COL14A1: variants seen among roughly 807,000 people sequenced by gnomAD.
The protein encoded by COL14A1 is collagen alpha-1(XIV) chain.
COL14A1 carries 136 observed loss-of-function variants against 230.3 expected under a neutral mutation model. That is an observed-to-expected ratio of 0.59 (90% CI 0.51 to 0.68). COL14A1 has a LOEUF of 0.68. COL14A1 is among the 30% of genes least tolerant of loss of function. COL14A1 has a pLI of 0.00. For missense variants in COL14A1, 1,976 were observed against 2,215.8 expected, an observed-to-expected ratio of 0.89 and a Z score of 2.17; for synonymous variants, 792 against 784.1, an observed-to-expected ratio of 1.01 and a Z score of -0.17.
chr8:120,295,257 A>G lies in COL14A1; in HGVS notation c.4237-2254A>G, dbSNP rs79029825. Among the ~76,000 whole-genome samples, 1,402 of 152,036 alleles carry G rather than the reference A, an allele frequency of 9.2e-3. 9 individuals are homozygous for G. The highest frequency in any genetic ancestry group is 0.015 in the Admixed American group (225 of 15,246). On this transcript the variant is annotated intron_variant, in intron 34 of 47. Transcript: ENST00000297848. Reference sequence around the variant, plus strand: ...TGGCATTGTAAGATTTCATTGGGCTATCTGCATTTTAAACGTTAGATCAAA... The same window carrying G: ...TGGCATTGTAAGATTTCATTGGGCTGTCTGCATTTTAAACGTTAGATCAAA...
chr8:120,151,933 G>A (rs950684020), intron 2 of COL14A1, among the ~76,000 whole-genome samples: 1 of 152,036 alleles, frequency 6.6e-6, no homozygotes, highest in African/African-American at 2.4e-5. Context: ...TGGCTTTGAA[G>A]ATGGAAAGAG....
chr8:120,310,178 A>G (rs1563730872), intron 37 of COL14A1, 116 bp downstream of exon 37: 1 of 1,041,666 alleles, frequency 9.6e-7, no homozygotes, highest in Non-Finnish European at 1.4e-6. Context: ...AGTTCCTTAT[A>G]GTTTTATGAA....
chr8:120,351,029 C>A (rs1477456642), intron 45 of COL14A1, among the ~76,000 whole-genome samples: 3 of 149,470 alleles, frequency 2.0e-5, no homozygotes, highest in Non-Finnish European at 4.5e-5. Context: ...GAAATTACAA[C>A]AAACTATCTC....
chr8:120,145,648 A>G (rs1445460472), intron 1 of COL14A1, among the ~76,000 whole-genome samples: 3 of 152,152 alleles, frequency 2.0e-5, no homozygotes, highest in Non-Finnish European at 4.4e-5. Flanking sequence ...CAAACAATGC[A>G]TCTTGTTTTG....
At chr8:120,194,072 G>C (rs1409633389) in intron 5 of COL14A1, among the ~76,000 whole-genome samples, 1 of 152,186 alleles carries the variant, frequency 6.6e-6, no homozygotes, top group African/African-American at 2.4e-5. Flanking sequence ...TGTGCCCACT[G>C]TCCGGCACTC....
chr8:120,291,235 C>T (rs1225715463), intron 34 of COL14A1, among the ~76,000 whole-genome samples: 2 of 151,918 alleles, frequency 1.3e-5, no homozygotes, highest in Non-Finnish European at 2.9e-5. Flanking sequence ...TAGATGGATA[C>T]TTGGATGATG....
chr8:120,200,247 G>A (rs932207483), intron 8 of COL14A1, among the ~76,000 whole-genome samples: 1 of 151,918 alleles, frequency 6.6e-6, no homozygotes, highest in African/African-American at 2.4e-5. Flanking sequence ...ATATAACAGC[G>A]AATTCCTTAA....
chr8:120,280,523 G>A (rs1485181547), intron 29 of COL14A1, among the ~76,000 whole-genome samples, 188 bp from the exon 30 acceptor site: 2 of 152,160 alleles, frequency 1.3e-5, no homozygotes, highest in African/African-American at 4.8e-5. Flanking sequence ...TCCTTTAGTT[G>A]TAATAAGGGA....
At chr8:120,183,624 G>C (rs969481319) in intron 5 of COL14A1, among the ~76,000 whole-genome samples, 1 of 152,160 alleles carries the variant, frequency 6.6e-6, no homozygotes, top group African/African-American at 2.4e-5. Context: ...GAGGAGAAAT[G>C]TGATGCATGT....
chr8:120,307,209 C>T (rs972028821), intron 36 of COL14A1, among the ~76,000 whole-genome samples: 2 of 151,982 alleles, frequency 1.3e-5, no homozygotes, highest in Non-Finnish European at 2.9e-5. Flanking sequence ...CTTTTTTGGC[C>T]TTTATCTAGG....
intron 25 of COL14A1, among the ~76,000 whole-genome samples, chr8:120,267,879 A>T (rs1036844775): frequency 6.6e-6 from 1 of 151,852 alleles, no homozygotes; most frequent in Non-Finnish European, 1.5e-5. Flanking sequence ...AATAGGGAGG[A>T]TGGACTAGAA....
chr8:120,363,982 T>C (rs1259110204), intron 45 of COL14A1, among the ~76,000 whole-genome samples: 2 of 152,208 alleles, frequency 1.3e-5, no homozygotes, highest in East Asian at 3.8e-4. Flanking sequence ...CTACCTGCTA[T>C]GGTTATAGAG....
rs1002244058 is a variant in COL14A1 at position 120,147,234 on chromosome 8, G to T, written c.-37-572G>T. On this transcript the variant is annotated intron_variant, in intron 1 of 47. Coordinates refer to ENST00000297848, the MANE Select transcript of COL14A1 (RefSeq NM_021110.4). ...TATCCCATTGAAAATGAACAATTTG[G>T]AAGAGTTTTAGATTCACTTATATTA... Among the ~76,000 whole-genome samples, 22 of 151,782 alleles carry T rather than the reference G, an allele frequency of 1.4e-4. 1 individual carries two copies. The highest frequency in any genetic ancestry group is 1.2e-3 in the Admixed American group (19 of 15,206).
chr8:120,366,764 GA>G (rs1823417528), intron 45 of COL14A1, among the ~76,000 whole-genome samples: 1 of 152,224 alleles, frequency 6.6e-6, no homozygotes, highest in South Asian at 2.1e-4. Flanking sequence ...GCCTTTTGCA[GA>G]CACATTACAG....
intron 32 of COL14A1, among the ~76,000 whole-genome samples, chr8:120,284,993 C>A (rs1316687814): frequency 6.6e-6 from 1 of 151,898 alleles, no homozygotes; most frequent in Non-Finnish European, 1.5e-5. Flanking sequence ...GAGTGAGAAT[C>A]TTTTCTCTTT....
chr8:120,138,792 A>G (rs4376529), intron 1 of COL14A1, among the ~76,000 whole-genome samples: 13,524 of 152,148 alleles, frequency 0.089, 1,614 homozygotes, highest in African/African-American at 0.26. Context: ...CAAAGCTAAC[A>G]CACTGGATGA....
intron 42 of COL14A1, among the ~76,000 whole-genome samples, chr8:120,335,829 T>C (rs1412697684): frequency 6.6e-6 from 1 of 152,120 alleles, no homozygotes; most frequent in Admixed American, 6.6e-5. Context: ...TAGAGAGTGA[T>C]AAAGCACACG....
intron 36 of COL14A1, among the ~76,000 whole-genome samples, chr8:120,304,398 C>T (rs970613034): frequency 2.0e-5 from 3 of 152,276 alleles, no homozygotes; most frequent in African/African-American, 7.2e-5. Flanking sequence ...GAATTTCTCT[C>T]TTAACACTGC....
At chr8:120,285,217 G>A (rs982313598) in intron 32 of COL14A1, among the ~76,000 whole-genome samples, 1 of 151,836 alleles carries the variant, frequency 6.6e-6, no homozygotes, top group Non-Finnish European at 1.5e-5. Context: ...ACTTTGGGAT[G>A]CTGAGGTGGG....
Sources: allele counts gnomAD v4.1 joint callset (sites outside exome capture counted in the v4.1 genomes callset), GRCh38; gene constraint gnomAD v4.1.1; transcripts MANE v1.5; gene names NCBI Gene and HGNC (gene_info 2026-07-23, HGNC 2026-07-21).